Variants in DCLRE1C observed in about 807,000 individuals in gnomAD.
DCLRE1C encodes the protein protein artemis.
Under a neutral mutation model 61.4 loss-of-function variants are expected in DCLRE1C, and 47 were observed. That is an observed-to-expected ratio of 0.77 (90% confidence interval 0.61 to 0.98). The LOEUF is 0.98. DCLRE1C is among the 50% of genes least tolerant of loss of function. The pLI, the probability that DCLRE1C is intolerant of heterozygous loss-of-function variation, is 0.00. For synonymous variants in DCLRE1C, 337 were observed against 287.6 expected, an observed-to-expected ratio of 1.17 and a Z score of -1.74; for missense variants, 858 against 816.0, an observed-to-expected ratio of 1.05 and a Z score of -0.63.
At chr10:14,902,581 T>C, downstream of DCLRE1C, 1 of 949,914 alleles carries the variant, frequency 1.1e-6, no homozygotes, top group South Asian at 2.0e-5. Context: ...TAAAAATACA[T>C]ATTTGGGACT....
At position 14,908,502 on chromosome 10, in the gene DCLRE1C, G is replaced by C; in HGVS notation, c.1985C>G (p.Pro662Arg). 1.2e-6 allele frequency: 2 copies of C among 1,613,988 alleles called. No individual in the cohort carries two copies. The highest frequency in any genetic ancestry group is 8.5e-7 in the Non-Finnish European group (1 of 1,179,986). ...EVPSTPEAEL[P>R]KREHLQYLYE... The stretch of plus-strand genomic sequence containing the variant: ...TAAATATTGTAAATGCTCTCGTTTA[G>C]GTAACTCAGCTTCTGGAGTTGAGGG... The change falls in exon 14 of 14, where the codon CCT (proline) becomes CGT (arginine). Residue 662 changes from proline (P) to arginine (R), a missense_variant. Transcript: ENST00000378278.
intron 13 of DCLRE1C, 63 bp downstream of exon 13, chr10:14,919,669 ACCCAAG>A: frequency 8.0e-7 from 1 of 1,254,124 alleles, no homozygotes; most frequent in Non-Finnish European, 1.2e-6. Flanking sequence ...CTTCTCCCAG[ACCCAAG>A]CTCCCTGGAA....
chr10:14,929,254 A>G lies in DCLRE1C; in HGVS notation c.781-1102T>C, dbSNP rs1281557891. 2.0e-5 allele frequency among the ~76,000 whole-genome samples: 3 copies of G among 151,882 alleles called. No homozygotes were observed. In the East Asian group the frequency reaches 5.8e-4, roughly 29 times the overall value. ...ACTCTGTCTCTACTAAAAATACAAA[A>G]CTAGCCAGGCATGGTGGCGCATGCC... On this transcript the variant is annotated intron_variant, in intron 9 of 13. Coordinates refer to ENST00000378278, the MANE Select transcript of DCLRE1C (RefSeq NM_001033855.3).
At chr10:14,911,693 T>G (rs972690281) in intron 13 of DCLRE1C, among the ~76,000 whole-genome samples, 12 of 152,222 alleles carry the variant, frequency 7.9e-5, no homozygotes, top group Admixed American at 5.2e-4. Context: ...TGAGAAAATA[T>G]TTCCTAATCA....
At position 14,908,201 on chromosome 10, in the gene DCLRE1C, C is replaced by T. The variant is rs1264864202; in HGVS notation, c.*207G>A. ...TTTTTTTTTTTTGTAAGTAGAGACA[C>T]ATTTCACTGTGTTGGCCAGGCTGGT... is the stretch of plus-strand genomic sequence containing the variant. On this transcript the variant is annotated 3_prime_UTR_variant, in exon 14 of 14. Transcript: ENST00000378278. 7.4e-6 allele frequency: 2 copies of T among 268,580 alleles called. No individual in the cohort carries two copies. The highest frequency in any genetic ancestry group is 6.2e-5 in the African/African-American group (2 of 32,092). The allele number at this position is 268,580 out of a possible 1,614,324, so 16.6% of individuals were successfully genotyped here. A position where few individuals can be genotyped will look rare whatever the true frequency, so the allele number is the denominator to read the frequency against.
At chr10:14,943,046 GA>G (rs1317711287) in intron 3 of DCLRE1C, among the ~76,000 whole-genome samples, 4 of 152,136 alleles carry the variant, frequency 2.6e-5, no homozygotes, top group Non-Finnish European at 5.9e-5. Flanking sequence ...AGAATTGCTT[GA>G]ACCGGTTAGA....
intron 2 of DCLRE1C, among the ~76,000 whole-genome samples, chr10:14,947,030 G>T (rs1841802817): frequency 6.6e-6 from 1 of 152,006 alleles, no homozygotes; most frequent in African/African-American, 2.4e-5. Flanking sequence ...TGACCAACAT[G>T]GTGAAACCCC....
At chr10:14,912,488 A>G (rs1399444855) in intron 13 of DCLRE1C, among the ~76,000 whole-genome samples, 1 of 152,242 alleles carries the variant, frequency 6.6e-6, no homozygotes, top group Non-Finnish European at 1.5e-5. Context: ...TCAAATTTTC[A>G]TAGCATTATT....
At chr10:14,924,048 T>C (rs150300879) in intron 11 of DCLRE1C, among the ~76,000 whole-genome samples, 1 of 152,368 alleles carries the variant, frequency 6.6e-6, no homozygotes, top group East Asian at 1.9e-4. Context: ...AGCTGGGGTG[T>C]GCCTAAGGGC....
rs41300674 is a variant in DCLRE1C, at chr10:14,908,864, T to C, written c.1623A>G (p.Thr541=). The change falls in exon 14 of 14, where the codon ACA becomes ACG. Residue 541 remains threonine, a synonymous_variant. Coordinates refer to ENST00000378278, the MANE Select transcript of DCLRE1C (RefSeq NM_001033855.3). ...CTTGACTTCCTTGTTCTGTTATGTGTGTTGACTGGGAAGAATTCTGGGAGG... is the reference window on the plus strand; with the variant it reads ...CTTGACTTCCTTGTTCTGTTATGTGCGTTGACTGGGAAGAATTCTGGGAGG... ...HISSQNSSQS[T]HITEQGSQGW... 2.5e-6 allele frequency: 4 copies of C among 1,614,222 alleles called. No individual in the cohort carries two copies. The African/African-American group carries it at 4.0e-5, about 16-fold the overall frequency.
downstream of DCLRE1C, chr10:14,902,272 A>G: frequency 2.1e-6 from 1 of 467,602 alleles, no homozygotes; most frequent in Non-Finnish European, 3.8e-6. Context: ...CTTGGGAGTT[A>G]ACTTACTCTA....
In DCLRE1C at chr10:14,905,303, A is replaced by C. The variant is rs1453980449; in HGVS notation, c.*3105T>G. Among the ~76,000 whole-genome samples, 1 of 152,270 alleles carries C rather than the reference A, an allele frequency of 6.6e-6. No individual in the cohort carries two copies. The highest frequency in any genetic ancestry group is 1.5e-5 in the Non-Finnish European group (1 of 68,052). ...GGACAATTTGACATTTCGCTAGCAT[A>C]ATGTGGATGAATACTTCAGAAATTT... On this transcript the variant is annotated 3_prime_UTR_variant, in exon 14 of 14. Coordinates refer to ENST00000378278, the MANE Select transcript of DCLRE1C (RefSeq NM_001033855.3).
intron 13 of DCLRE1C, among the ~76,000 whole-genome samples, chr10:14,912,528 C>T (rs141784541): frequency 2.0e-5 from 3 of 152,262 alleles, no homozygotes; most frequent in East Asian, 3.9e-4. Context: ...CCCAGATGTC[C>T]ATCAGCTGGT....
intron 13 of DCLRE1C, among the ~76,000 whole-genome samples, chr10:14,913,585 G>A (rs1164204412): frequency 6.6e-6 from 1 of 152,140 alleles, no homozygotes; most frequent in Non-Finnish European, 1.5e-5. Flanking sequence ...GATGTATACG[G>A]TCAGTCCTCT....
chr10:14,914,040 A>G (rs1254845011), intron 13 of DCLRE1C, among the ~76,000 whole-genome samples: 1 of 152,232 alleles, frequency 6.6e-6, no homozygotes. Context: ...GGATAAACTT[A>G]AACCTGACCA....
chr10:14,898,590 ACT>A (rs1423693701), exon 14 of DCLRE1C: 2 of 152,118 alleles, frequency 1.3e-5, no homozygotes, highest in East Asian at 1.9e-4. Context: ...TAATCAAATT[ACT>A]CTTTTTGTTA....
At chr10:14,901,194 G>A, downstream of DCLRE1C, 1 of 1,614,006 alleles carries the variant, frequency 6.2e-7, no homozygotes, top group Non-Finnish European at 8.5e-7. Flanking sequence ...CGTCTTCCCC[G>A]AATAGCATTG....
At chr10:14,914,940 T>TAAA (rs201181306) in intron 13 of DCLRE1C, among the ~76,000 whole-genome samples, 1 of 142,746 alleles carries the variant, frequency 7.0e-6, no homozygotes, top group Non-Finnish European at 1.5e-5. Flanking sequence ...TCCATCTCAT[T>TAAA]AAAAAAAAAA....
At chr10:14,901,521 G>A (rs145270072), downstream of DCLRE1C, among the ~76,000 whole-genome samples, 567 of 151,802 alleles carry the variant, frequency 3.7e-3, 1 homozygote, top group Non-Finnish European at 5.9e-3. Context: ...ATTTATTATA[G>A]CATCTTAATA....
Sources: gnomAD v4.1 joint callset for allele counts (sites outside exome capture counted in the v4.1 genomes callset) on GRCh38, gnomAD v4.1.1 for gene constraint, MANE v1.5 for transcripts, NCBI Gene and HGNC (gene_info 2026-07-23, HGNC 2026-07-21) for gene names.